The following COL4A5 variants were observed in gnomAD, a reference collection of about 807,000 sequenced individuals.
The protein encoded by COL4A5 is collagen alpha-5(IV) chain.
COL4A5 carries 26 observed loss-of-function variants against 130.2 expected under a neutral mutation model. The ratio of observed to expected loss-of-function variants is 0.20; its 90% confidence interval spans 0.15 to 0.28. The LOEUF (loss-of-function observed/expected upper bound fraction) is 0.28, where lower values mean the gene tolerates loss of function less well. Ranked by LOEUF, COL4A5 falls within the 10% of genes least tolerant of loss-of-function variation. COL4A5 has a pLI of 1.00. For missense variants in COL4A5, 1,131 were observed against 1,344.3 expected, an observed-to-expected ratio of 0.84 and a Z score of 2.48; for synonymous variants, 496 against 439.6, an observed-to-expected ratio of 1.13 and a Z score of -1.60.
chrX:108,474,337 A>G (rs189530108), intron 1 of COL4A5, among the ~76,000 whole-genome samples: 108 of 111,982 alleles, frequency 9.6e-4, no homozygotes, highest in African/African-American at 3.3e-3. Flanking sequence ...CTATATTTAG[A>G]TATTTCTAGA....
intron 51 of COL4A5, 122 bp downstream of exon 51, chrX:108,695,043 C>A (rs773079089): frequency 2.5e-5 from 17 of 679,294 alleles, no homozygotes; most frequent in African/African-American, 1.7e-4. Context: ...CAAACAGCTT[C>A]TATCCAAGCA....
At chrX:108,612,566 T>C (rs973482128) in intron 29 of COL4A5, among the ~76,000 whole-genome samples, 34 of 111,646 alleles carry the variant, frequency 3.0e-4, no homozygotes, top group African/African-American at 1.0e-3. Flanking sequence ...TCAAATGACA[T>C]GAAGTGCTTA....
chrX:108,509,932 A>T (rs926565115), intron 1 of COL4A5, among the ~76,000 whole-genome samples: 2 of 112,804 alleles, frequency 1.8e-5, no homozygotes, highest in African/African-American at 3.2e-5. Context: ...CAGATTACAT[A>T]AAGAAAATGT....
intron 28 of COL4A5, among the ~76,000 whole-genome samples, chrX:108,603,431 A>G (rs950070835): frequency 9.0e-6 from 1 of 111,712 alleles, no homozygotes; most frequent in African/African-American, 3.3e-5. Flanking sequence ...CCCACTACAT[A>G]TAAAGGTTAT....
intron 1 of COL4A5, among the ~76,000 whole-genome samples, chrX:108,505,264 A>AC (rs5903327): frequency 9.1e-6 from 1 of 109,323 alleles, no homozygotes; most frequent in Non-Finnish European, 1.9e-5. Flanking sequence ...AAAAAAAAAA[A>AC]CTACATACTC....
Position 108,595,556 on chromosome X carries a change from G to A in COL4A5, c.1471G>A (p.Gly491Arg). The A allele has an allele frequency of 8.3e-7, 1 of 1,211,987 alleles. No homozygotes were observed. Among genetic ancestry groups the A allele is most frequent in the Non-Finnish European group, 1.1e-6 (1 of 895,528 alleles). ...CFNCIGTGIS[G>R]PPGQPGLPGL... ...CAACTGCATTGGAACTGGTATTTCAGGGCCTCCAGGTCAACCTGGTTTGCC... is the reference window on the plus strand; with the variant it reads ...CAACTGCATTGGAACTGGTATTTCAAGGCCTCCAGGTCAACCTGGTTTGCC... The change falls in exon 22 of 53, where the codon GGG (glycine) becomes AGG (arginine). Residue 491 changes from glycine (G) to arginine (R), a missense_variant. Gly to Arg is a moderately radical substitution (Grantham distance 125). Transcript: ENST00000328300.
chrX:108,646,441 T>G (rs1044355124), intron 36 of COL4A5, among the ~76,000 whole-genome samples: 1 of 111,835 alleles, frequency 8.9e-6, no homozygotes, highest in Non-Finnish European at 1.9e-5. Flanking sequence ...GTTTTTTTCT[T>G]GTAAATTTGT....
Position 108,692,657 on chromosome X carries a change from T to A in COL4A5, c.4529-91T>A, listed in dbSNP as rs1169870060. Reference sequence around the variant, plus strand: ...TATTACCTATGAAAGGCTGGCAAGTTTCCTTGAAAGGCTGTTTGCTATTGT... The same window carrying A: ...TATTACCTATGAAAGGCTGGCAAGTATCCTTGAAAGGCTGTTTGCTATTGT... On this transcript the variant is annotated intron_variant, in intron 49 of 52. Coordinates refer to ENST00000328300, the MANE Select transcript of COL4A5 (RefSeq NM_033380.3). 18 of 849,056 alleles carry A rather than the reference T, an allele frequency of 2.1e-5. No individual in the cohort carries two copies. The South Asian group carries it at 2.3e-4, about 11-fold the overall frequency. The allele number at this position is 849,056 out of a possible 1,213,427, so 70.0% of individuals were successfully genotyped here. A position where few individuals can be genotyped will look rare whatever the true frequency, so the allele number is the denominator to read the frequency against.
intron 36 of COL4A5, among the ~76,000 whole-genome samples, chrX:108,653,414 C>T (rs2067771634): frequency 1.8e-5 from 2 of 110,160 alleles, no homozygotes; most frequent in African/African-American, 6.6e-5. Flanking sequence ...TACTAAGTGA[C>T]TCATAGACAG....
chrX:108,458,738 T>A (rs1182473831), intron 1 of COL4A5, among the ~76,000 whole-genome samples: 1 of 111,903 alleles, frequency 8.9e-6, no homozygotes, highest in Non-Finnish European at 1.9e-5. Flanking sequence ...CCGAGCACTT[T>A]GAGAGGCCGA....
chrX:108,464,527 A>G (rs939926271), intron 1 of COL4A5, among the ~76,000 whole-genome samples: 8 of 112,108 alleles, frequency 7.1e-5, no homozygotes, highest in Non-Finnish European at 1.3e-4. Flanking sequence ...GCTTCTTAAG[A>G]TTTTAAATTA....
intron 2 of COL4A5, among the ~76,000 whole-genome samples, chrX:108,550,441 A>C (rs1262059792): frequency 8.9e-6 from 1 of 111,812 alleles, no homozygotes; most frequent in African/African-American, 3.2e-5. Context: ...AAATATATAA[A>C]CCCCCAATAA....
At chrX:108,584,622 C>A in intron 18 of COL4A5, 97 bp downstream of exon 18, 1 of 717,859 alleles carries the variant, frequency 1.4e-6, no homozygotes, top group Non-Finnish European at 2.1e-6. Context: ...CTTGATAGAA[C>A]ACAAAATTTC....
In COL4A5 at chrX:108,616,160, T is replaced by C. The variant is rs368281726; in HGVS notation, c.2509+1136T>C. ...TTATGGAAAAAACATTCTGTCCAAC[T>C]AACAAAGCAGAGGGATCTTCAGGAA... On this transcript the variant is annotated intron_variant, in intron 30 of 52. Transcript: ENST00000328300. Among the ~76,000 whole-genome samples the C allele has an allele frequency of 8.4e-4, 94 of 111,474 alleles. 1 individual carries two copies. The South Asian group carries it at 0.033, about 39-fold the overall frequency.
At chrX:108,524,528 C>T (rs1360620386) in intron 1 of COL4A5, among the ~76,000 whole-genome samples, 2 of 109,542 alleles carry the variant, frequency 1.8e-5, no homozygotes, top group Non-Finnish European at 3.8e-5. Flanking sequence ...TTATTATTTC[C>T]TTCTTTCTAC....
At chrX:108,585,849 A>G (rs1208827839) in intron 18 of COL4A5, among the ~76,000 whole-genome samples, 2 of 111,280 alleles carry the variant, frequency 1.8e-5, no homozygotes, top group Non-Finnish European at 3.8e-5. Flanking sequence ...GGTATATAGT[A>G]GGTATATATA....
In COL4A5 at chrX:108,492,543, A is replaced by G. The variant is rs1357385803; in HGVS notation, c.82-47203A>G. On this transcript the variant is annotated intron_variant, in intron 1 of 52. Coordinates refer to ENST00000328300, the MANE Select transcript of COL4A5 (RefSeq NM_033380.3). ...AAAGTATTACACATAGGAAAGAAGA[A>G]ATTACTATAATTCCCCAAAGAATCC... is the stretch of plus-strand genomic sequence containing the variant. Among the ~76,000 whole-genome samples the G allele has an allele frequency of 9.9e-5, 11 of 111,638 alleles. No homozygotes were observed. In the Admixed American group the frequency reaches 1.0e-3, roughly 11 times the overall value.
intron 25 of COL4A5, among the ~76,000 whole-genome samples, chrX:108,601,013 G>C (rs2066618455): frequency 9.0e-6 from 1 of 111,588 alleles, no homozygotes; most frequent in South Asian, 3.8e-4. Flanking sequence ...CATTGGGTGA[G>C]GGTGGATCAT....
At chrX:108,477,672 C>T (rs935500239) in intron 1 of COL4A5, among the ~76,000 whole-genome samples, 2 of 108,778 alleles carry the variant, frequency 1.8e-5, no homozygotes, top group Non-Finnish European at 3.8e-5. Context: ...AAAAATGAGC[C>T]GGGTGTGGTG....
Sources: allele counts gnomAD v4.1 joint callset (sites outside exome capture counted in the v4.1 genomes callset), GRCh38; gene constraint gnomAD v4.1.1; transcripts MANE v1.5; gene names NCBI Gene and HGNC (gene_info 2026-07-23, HGNC 2026-07-21).